Variants in FAM13C observed in about 807,000 individuals in gnomAD.
The protein encoded by FAM13C is family with sequence similarity 13 member C.
FAM13C carries 37 observed loss-of-function variants against 73.2 expected under a neutral mutation model. That is an observed-to-expected ratio of 0.51 (90% CI 0.39 to 0.67). The LOEUF (loss-of-function observed/expected upper bound fraction) is 0.67, where lower values mean the gene tolerates loss of function less well. Among genes scored for constraint, FAM13C ranks in the 30% least tolerant of loss-of-function variants. The pLI, the probability that FAM13C is intolerant of heterozygous loss-of-function variation, is 0.00. For synonymous variants in FAM13C, 246 were observed against 260.9 expected (o/e 0.94, Z 0.55); for missense variants, 589 against 715.6 (o/e 0.82, Z 2.02).
At chr10:59,291,100 A>G (rs1270770421) in intron 5 of FAM13C, among the ~76,000 whole-genome samples, 2 of 152,152 alleles carry the variant, frequency 1.3e-5, no homozygotes, top group African/African-American at 4.8e-5. Flanking sequence ...TTGCCCACTT[A>G]GCTCTACTTG....
At chr10:59,334,321 T>C (rs1330249899) in intron 3 of FAM13C, among the ~76,000 whole-genome samples, 2 of 152,200 alleles carry the variant, frequency 1.3e-5, no homozygotes, top group Non-Finnish European at 2.9e-5. Flanking sequence ...CTAAAGAGAA[T>C]AGACATTTTG....
rs1856544622 is a variant in FAM13C at position 59,362,539 on chromosome 10, G to A, written c.-79C>T. On this transcript the variant is annotated 5_prime_UTR_variant, in exon 1 of 14. Transcript: ENST00000618804. ...CACATACACAAACATGGCATTGCAA[G>A]GCAAGTCTCCGGGCTCGCCCGGCAC... is the stretch of plus-strand genomic sequence containing the variant. 5.7e-6 allele frequency: 9 copies of A among 1,575,272 alleles called. No individual in the cohort carries two copies. The highest frequency in any genetic ancestry group is 1.3e-5 in the African/African-American group (1 of 74,336).
In FAM13C at chr10:59,362,331, A is replaced by T. The variant is rs1326393553; in HGVS notation, c.62+68T>A. On this transcript the variant is annotated intron_variant, in intron 1 of 13. Coordinates refer to ENST00000618804, the MANE Select transcript of FAM13C (RefSeq NM_198215.4). The stretch of plus-strand genomic sequence containing the variant: ...GAACAGCGGCTGGGAACGGTGGAGG[A>T]TACCTTCACGATAGTTGCTTCCAGA... 2.5e-6 allele frequency: 4 copies of T among 1,576,102 alleles called. No individual in the cohort carries two copies. In the Admixed American group the frequency reaches 5.4e-5, roughly 21 times the overall value.
At position 59,246,668 on chromosome 10, in the gene FAM13C, T is replaced by C. The variant is rs1840737127; in HGVS notation, c.*946A>G. 5.0e-6 allele frequency: 2 copies of C among 397,610 alleles called. 1 individual carries two copies. Among genetic ancestry groups the C allele is most frequent in the East Asian group, 7.2e-5 (2 of 27,870 alleles). 24.6% of individuals were successfully genotyped at this position (397,610 alleles called of 1,614,324 possible). A position where few individuals can be genotyped will look rare whatever the true frequency, so the allele number is the denominator to read the frequency against. On this transcript the variant is annotated 3_prime_UTR_variant, in exon 14 of 14. Transcript: ENST00000618804. Reference sequence around the variant, plus strand: ...TTTCAAGGTATCAGGGCAAACAATTTCCAAACTTTTCATTTTGTACAGAAG... The same window carrying C: ...TTTCAAGGTATCAGGGCAAACAATTCCCAAACTTTTCATTTTGTACAGAAG...
intron 2 of FAM13C, among the ~76,000 whole-genome samples, chr10:59,354,800 C>A (rs1216947906): frequency 4.6e-5 from 7 of 152,096 alleles, no homozygotes; most frequent in African/African-American, 1.7e-4. Flanking sequence ...AAAATCTGTT[C>A]TTTGTTTACC....
chr10:59,303,467 T>A (rs1261168037), intron 4 of FAM13C, among the ~76,000 whole-genome samples: 1 of 152,242 alleles, frequency 6.6e-6, no homozygotes, highest in Non-Finnish European at 1.5e-5. Flanking sequence ...AATTCAATAA[T>A]TGTTTTGATT....
chr10:59,265,698 G>A (rs1842996988), intron 8 of FAM13C, among the ~76,000 whole-genome samples: 1 of 152,120 alleles, frequency 6.6e-6, no homozygotes, highest in South Asian at 2.1e-4. Context: ...ACGGTGCATA[G>A]AACTTAGAAG....
At chr10:59,358,293 A>C (rs1216253896) in intron 1 of FAM13C, among the ~76,000 whole-genome samples, 1 of 152,174 alleles carries the variant, frequency 6.6e-6, no homozygotes, top group Admixed American at 6.5e-5. Flanking sequence ...CACGAGAACC[A>C]CTTGAACTTG....
chr10:59,264,024 A>T, intron 9 of FAM13C, 61 bp downstream of exon 9: 7 of 1,429,988 alleles, frequency 4.9e-6, no homozygotes, highest in Non-Finnish European at 9.9e-7. Context: ...GCTCTGGAGC[A>T]CATTATCACT....
chr10:59,323,811 T>G (rs183836079), intron 4 of FAM13C, among the ~76,000 whole-genome samples, 177 bp downstream of exon 4: 189 of 152,274 alleles, frequency 1.2e-3, no homozygotes, highest in African/African-American at 4.3e-3. Flanking sequence ...TCATTTACAT[T>G]TATCTTAAAC....
chr10:59,342,546 T>C (rs574813312), intron 3 of FAM13C, among the ~76,000 whole-genome samples: 1 of 152,332 alleles, frequency 6.6e-6, no homozygotes, highest in Admixed American at 6.5e-5. Flanking sequence ...AATGAATTTA[T>C]GTTTAGTAAG....
chr10:59,329,127 T>C (rs1006965631), intron 3 of FAM13C, among the ~76,000 whole-genome samples: 1 of 152,112 alleles, frequency 6.6e-6, no homozygotes, highest in Non-Finnish European at 1.5e-5. Flanking sequence ...GTGTGTCTAT[T>C]ATTTAAAATT....
intron 5 of FAM13C, among the ~76,000 whole-genome samples, chr10:59,284,834 C>G (rs554607192): frequency 2.6e-5 from 4 of 151,578 alleles, no homozygotes; most frequent in African/African-American, 4.9e-5. Flanking sequence ...CCATGCACAC[C>G]CACCTCACAC....
intron 13 of FAM13C, among the ~76,000 whole-genome samples, chr10:59,249,335 C>T (rs965217005): frequency 1.0e-4 from 14 of 133,848 alleles, no homozygotes; most frequent in African/African-American, 1.9e-4. Flanking sequence ...ACCCAGGAGG[C>T]GGAGCTTGCA....
At chr10:59,286,406 T>C (rs1845552773) in intron 5 of FAM13C, among the ~76,000 whole-genome samples, 1 of 151,354 alleles carries the variant, frequency 6.6e-6, no homozygotes, top group African/African-American at 2.4e-5. Context: ...TTTCAGCTGC[T>C]CAGGACACTG....
Position 59,357,353 on chromosome 10 carries a change from C to T in FAM13C, c.63-1410G>A, listed in dbSNP as rs540165842. On this transcript the variant is annotated intron_variant, in intron 1 of 13. Transcript: ENST00000618804. The stretch of plus-strand genomic sequence containing the variant: ...ACATCACTTGTAAACCTTTGTACCA[C>T]TGAGATCTTTTTGATTAGTTATTAA... 4.6e-5 allele frequency among the ~76,000 whole-genome samples: 7 copies of T among 152,274 alleles called. No individual in the cohort carries two copies. The East Asian group carries it at 1.2e-3, about 25-fold the overall frequency.
Position 59,326,528 on chromosome 10 carries a change from C to G in FAM13C, c.325-2422G>C, listed in dbSNP as rs191672193. On this transcript the variant is annotated intron_variant, in intron 3 of 13. Transcript: ENST00000618804. ...ATGAAAGTTCTGATCTATAAGCCCCCCTCAGATCAGAAACCCAAGTACAGC... is the reference window on the plus strand; with the variant it reads ...ATGAAAGTTCTGATCTATAAGCCCCGCTCAGATCAGAAACCCAAGTACAGC... Among the ~76,000 whole-genome samples the G allele has an allele frequency of 4.6e-5, 7 of 152,158 alleles. No individual in the cohort carries two copies. In the South Asian group the frequency reaches 1.5e-3, roughly 32 times the overall value.
intron 4 of FAM13C, among the ~76,000 whole-genome samples, chr10:59,317,249 G>A (rs1564572932): frequency 6.6e-6 from 1 of 151,984 alleles, no homozygotes; most frequent in Non-Finnish European, 1.5e-5. Context: ...GGAAGCTGAA[G>A]AGTAAGTTAA....
At chr10:59,293,781 T>C (rs758284524) in intron 5 of FAM13C, among the ~76,000 whole-genome samples, 4 of 152,178 alleles carry the variant, frequency 2.6e-5, no homozygotes, top group Non-Finnish European at 5.9e-5. Flanking sequence ...CAAAGTCCAC[T>C]CTTGTACTGC....
Sources: gnomAD v4.1 joint callset for allele counts (sites outside exome capture counted in the v4.1 genomes callset) on GRCh38, gnomAD v4.1.1 for gene constraint, MANE v1.5 for transcripts, NCBI Gene and HGNC (gene_info 2026-07-23, HGNC 2026-07-21) for gene names.